XIRP2: variants seen among roughly 807,000 people sequenced by gnomAD.
The protein encoded by XIRP2 is xin actin binding repeat containing 2.
In XIRP2, 236 loss-of-function variants were observed where a neutral mutation model predicts 277.0. The observed-to-expected ratio is 0.85, with a 90% CI of 0.77 to 0.95. The LOEUF is 0.95. Ranked by LOEUF, XIRP2 falls within the 40% of genes least tolerant of loss-of-function variation. XIRP2 has a pLI of 0.00. For missense variants in XIRP2, 4,640 were observed against 4,157.5 expected (o/e 1.12, Z -3.19); for synonymous variants, 1,490 against 1,416.5 (o/e 1.05, Z -1.17).
At chr2:167,164,236 C>T (rs113585332) in intron 3 of XIRP2, among the ~76,000 whole-genome samples, 14,751 of 151,092 alleles carry the variant, frequency 0.098, 767 homozygotes, top group South Asian at 0.15. Context: ...GTCAGGAGGT[C>T]GAGACCATCC....
intron 2 of XIRP2, among the ~76,000 whole-genome samples, chr2:167,040,699 G>A (rs1688638381): frequency 6.6e-6 from 1 of 152,164 alleles, no homozygotes; most frequent in Non-Finnish European, 1.5e-5. Flanking sequence ...AACAAGGCCA[G>A]GCTGATCTTA....
chr2:167,151,945 G>C (rs1692028654), intron 3 of XIRP2, among the ~76,000 whole-genome samples: 1 of 152,046 alleles, frequency 6.6e-6, no homozygotes, highest in Admixed American at 6.6e-5. Context: ...AGCTGTTTAT[G>C]TGTTAGTAGG....
chr2:166,890,210 G>T (rs942630679), intron 1 of XIRP2, among the ~76,000 whole-genome samples: 1 of 151,972 alleles, frequency 6.6e-6, no homozygotes, highest in African/African-American at 2.4e-5. Context: ...AGCCAGGATG[G>T]TCTCAATCTT....
rs1371042531 is a variant in XIRP2, at chr2:167,246,652, G to T, written c.5260G>T (p.Ala1754Ser). ...QFFTTCIEAGALDYLKQLHTE... is the reference protein window; with the variant it reads ...QFFTTCIEAGSLDYLKQLHTE... Reference sequence around the variant, plus strand: ...TTTCACAACCTGCATAGAAGCTGGAGCTTTGGATTATCTGAAACAACTCCA... The same window carrying T: ...TTTCACAACCTGCATAGAAGCTGGATCTTTGGATTATCTGAAACAACTCCA... Residue 1754 changes from alanine to serine, a missense_variant, in exon 9 of 11, where the codon GCT becomes TCT. Transcript: ENST00000409195. The T allele has an allele frequency of 1.2e-6, 2 of 1,613,610 alleles. No homozygotes were observed. The highest frequency in any genetic ancestry group is 1.7e-6 in the Non-Finnish European group (2 of 1,179,816).
In XIRP2 at chr2:167,030,103, T is replaced by G. The variant is rs185962581; in HGVS notation, c.409-105806T>G. 3.2e-3 allele frequency among the ~76,000 whole-genome samples: 486 copies of G among 152,264 alleles called. 3 individuals are homozygous for G. The highest frequency in any genetic ancestry group is 0.011 in the African/African-American group (460 of 41,560). ...ATTATGTCTATTTGATTCTTCCCTC[T>G]TTTATTCTTTATTAGTCTGGCTAGC... is the stretch of plus-strand genomic sequence containing the variant. On this transcript the variant is annotated intron_variant, in intron 2 of 10. Transcript: ENST00000409195.
chr2:167,139,087 T>TATATATATATGCATATATATATATGC (rs1691639576), intron 3 of XIRP2, among the ~76,000 whole-genome samples: 1 of 149,642 alleles, frequency 6.7e-6, no homozygotes, highest in Non-Finnish European at 1.5e-5. Context: ...TATATATGCA[T>TATATATATATGCATATATATATATGC]ATATATACGT....
intron 2 of XIRP2, among the ~76,000 whole-genome samples, chr2:166,952,228 G>A (rs572234264): frequency 1.3e-5 from 2 of 152,040 alleles, no homozygotes; most frequent in East Asian, 3.9e-4. Flanking sequence ...CACTCACCCA[G>A]CTACATTCGT....
At chr2:166,903,979 C>A in intron 2 of XIRP2, 89 bp downstream of exon 2, 2 of 1,433,142 alleles carry the variant, frequency 1.4e-6, no homozygotes, top group Non-Finnish European at 9.5e-7. Context: ...TCTTTCCCCC[C>A]GCCAGTATTC....
intron 2 of XIRP2, among the ~76,000 whole-genome samples, chr2:167,054,800 T>A (rs1217488406): frequency 6.6e-6 from 1 of 152,166 alleles, no homozygotes; most frequent in Non-Finnish European, 1.5e-5. Flanking sequence ...CCTAGAGCCA[T>A]TTGAAAATTC....
Position 167,246,879 on chromosome 2 carries a change from T to C in XIRP2, c.5487T>C (p.Gly1829=). The change falls in exon 9 of 11, where the codon GGT becomes GGC. Residue 1829 remains glycine (G), a synonymous_variant. Transcript: ENST00000409195. ...VFMTEPQSTF[G]KIPKEEIIKG... is the part of the protein sequence containing the mutation. ...TGACCGAGCCTCAGAGTACATTTGG[T>C]AAGATACCCAAAGAAGAGATTATAA... 6.2e-7 allele frequency: 1 copy of C among 1,613,582 alleles called. No individual in the cohort carries two copies. Among genetic ancestry groups the C allele is most frequent in the Non-Finnish European group, 8.5e-7 (1 of 1,179,778 alleles).
chr2:166,937,417 C>T (rs1424289102), intron 2 of XIRP2, among the ~76,000 whole-genome samples: 1 of 151,762 alleles, frequency 6.6e-6, no homozygotes, highest in African/African-American at 2.4e-5. Context: ...TTGAACCTTG[C>T]ACCAGCCTTG....
At chr2:167,158,186 A>G (rs930201302) in intron 3 of XIRP2, among the ~76,000 whole-genome samples, 6 of 152,210 alleles carry the variant, frequency 3.9e-5, no homozygotes, top group African/African-American at 4.8e-5. Flanking sequence ...GCTAATTTGA[A>G]TATCATACCA....
rs1379127601 is a variant in XIRP2 at position 167,248,218 on chromosome 2, T to G, written c.6826T>G (p.Phe2276Val). The G allele has an allele frequency of 1.2e-6, 2 of 1,613,674 alleles. No homozygotes were observed. Among genetic ancestry groups the G allele is most frequent in the Non-Finnish European group, 8.5e-7 (1 of 1,179,740 alleles). Residue 2276 changes from phenylalanine to valine, a missense_variant, in exon 9 of 11, where the codon TTT (phenylalanine) becomes GTT (valine). Phe to Val is a conservative substitution (Grantham distance 50). Transcript: ENST00000409195. Reference protein sequence around the residue: ...AMERSLNPINFNPENNVKESE... With the variant: ...AMERSLNPINVNPENNVKESE... Reference sequence around the variant, plus strand: ...GGAAAGGTCCTTGAATCCAATCAACTTTAACCCTGAGAATAATGTAAAAGA... The same window carrying G: ...GGAAAGGTCCTTGAATCCAATCAACGTTAACCCTGAGAATAATGTAAAAGA...
chr2:167,254,774 G>GT (rs1280041885), intron 10 of XIRP2, among the ~76,000 whole-genome samples: 2 of 151,758 alleles, frequency 1.3e-5, no homozygotes, highest in African/African-American at 4.8e-5. Flanking sequence ...GAAAAACTCT[G>GT]TTTTTTCTCT....
chr2:167,164,897 G>C (rs1692475856), intron 3 of XIRP2, among the ~76,000 whole-genome samples: 1 of 152,100 alleles, frequency 6.6e-6, no homozygotes, highest in African/African-American at 2.4e-5. Context: ...AATAGAGTTA[G>C]AGTGTTGAAC....
chr2:166,984,447 T>G (rs1446383922), intron 2 of XIRP2, among the ~76,000 whole-genome samples: 1 of 152,176 alleles, frequency 6.6e-6, no homozygotes, highest in African/African-American at 2.4e-5. Flanking sequence ...TCTGAAGATA[T>G]GTTCTTAATT....
chr2:167,009,310 G>A (rs937538621), intron 2 of XIRP2, among the ~76,000 whole-genome samples: 1 of 147,646 alleles, frequency 6.8e-6, no homozygotes, highest in African/African-American at 2.5e-5. Flanking sequence ...GAGAATATGT[G>A]GTGTTTGGTT....
chr2:167,058,276 G>T (rs543668946), intron 2 of XIRP2, among the ~76,000 whole-genome samples: 2 of 151,724 alleles, frequency 1.3e-5, no homozygotes, highest in African/African-American at 4.8e-5. Context: ...TTTTTTAGAC[G>T]GGGTTTCGCC....
chr2:167,213,086 C>T (rs1694102592), intron 4 of XIRP2, among the ~76,000 whole-genome samples: 2 of 152,032 alleles, frequency 1.3e-5, no homozygotes, highest in Admixed American at 6.6e-5. Flanking sequence ...ATATATTTTC[C>T]TTGTCTCAGA....
Sources: allele counts gnomAD v4.1 joint callset (sites outside exome capture counted in the v4.1 genomes callset), GRCh38; gene constraint gnomAD v4.1.1; transcripts MANE v1.5; gene names NCBI Gene and HGNC (gene_info 2026-07-23, HGNC 2026-07-21).